CTNNA3: variants seen among roughly 807,000 people sequenced by gnomAD.
CTNNA3 encodes the protein catenin alpha-3.
In CTNNA3, 76 loss-of-function variants were observed where a neutral mutation model predicts 95.7. That is an observed-to-expected ratio of 0.79 (90% confidence interval 0.66 to 0.96). The LOEUF (loss-of-function observed/expected upper bound fraction) is 0.96. Ranked by LOEUF, CTNNA3 falls within the 40% of genes least tolerant of loss-of-function variation. The pLI, the probability that CTNNA3 is intolerant of heterozygous loss-of-function variation, is 0.00. For synonymous variants in CTNNA3, 431 were observed against 374.4 expected (o/e 1.15, Z -1.74); for missense variants, 1,191 against 1,089.8 (o/e 1.09, Z -1.31).
intron 7 of CTNNA3, among the ~76,000 whole-genome samples, chr10:66,946,861 G>T (rs1848299346): frequency 6.6e-6 from 1 of 151,926 alleles, no homozygotes; most frequent in Admixed American, 6.6e-5. Context: ...CTTTTTTCAT[G>T]TATTCCACAG....
chr10:66,002,786 C>T (rs1038868578), intron 15 of CTNNA3, among the ~76,000 whole-genome samples: 1 of 152,184 alleles, frequency 6.6e-6, no homozygotes, highest in East Asian at 1.9e-4. Context: ...ACACACTTCA[C>T]TCCCACCCAT....
In CTNNA3 at chr10:66,227,243, G is replaced by A. The variant is rs370996166; in HGVS notation, c.1884+53227C>T. Among the ~76,000 whole-genome samples the A allele has an allele frequency of 3.2e-4, 49 of 152,194 alleles. No homozygotes were observed. In the South Asian group the frequency reaches 9.3e-3, roughly 29 times the overall value. Reference sequence around the variant, plus strand: ...TGTTAAATAAGAGTGGTGAAAGTGGGCATCATTGTCCTATCCCAGTTTTTC... The same window carrying A: ...TGTTAAATAAGAGTGGTGAAAGTGGACATCATTGTCCTATCCCAGTTTTTC... On this transcript the variant is annotated intron_variant, in intron 13 of 17. Coordinates refer to ENST00000433211, the MANE Select transcript of CTNNA3 (RefSeq NM_013266.4).
intron 7 of CTNNA3, among the ~76,000 whole-genome samples, chr10:66,912,568 A>C (rs767441323): frequency 6.6e-6 from 1 of 152,222 alleles, no homozygotes; most frequent in Non-Finnish European, 1.5e-5. Context: ...TAAGATGCCA[A>C]AGCAAATTTA....
chr10:66,529,447 T>TG (rs1252836381), intron 10 of CTNNA3, among the ~76,000 whole-genome samples: 1 of 82,190 alleles, frequency 1.2e-5, no homozygotes, highest in African/African-American at 3.9e-5. Context: ...GTGTTTTTTT[T>TG]TTGTTTTTTT....
chr10:66,557,117 T>C (rs1842415289), intron 10 of CTNNA3, among the ~76,000 whole-genome samples: 1 of 152,108 alleles, frequency 6.6e-6, no homozygotes, highest in Non-Finnish European at 1.5e-5. Context: ...ACTTGCTCAA[T>C]TCAGAACTAA....
chr10:66,820,285 C>A (rs1212138024), intron 7 of CTNNA3, among the ~76,000 whole-genome samples: 1 of 151,946 alleles, frequency 6.6e-6, no homozygotes, highest in South Asian at 2.1e-4. Flanking sequence ...ATAGGCAAAC[C>A]TATAAAGTAC....
chr10:67,268,316 A>AATTAAATTAAATTAAATTAAATTAT (rs1368512051), intron 5 of CTNNA3, among the ~76,000 whole-genome samples: 7 of 144,526 alleles, frequency 4.8e-5, no homozygotes, highest in African/African-American at 7.6e-5. Context: ...AAATAAATTA[A>AATTAAATTAAATTAAATTAAATTAT]ATTAAATTAA....
chr10:66,543,789 T>C (rs1841941180), intron 10 of CTNNA3, among the ~76,000 whole-genome samples: 2 of 151,272 alleles, frequency 1.3e-5, no homozygotes, highest in African/African-American at 4.8e-5. Context: ...CAATTCACCA[T>C]TGTGAGTTAA....
intron 15 of CTNNA3, among the ~76,000 whole-genome samples, chr10:66,023,117 G>T (rs979696503): frequency 6.6e-6 from 1 of 152,034 alleles, no homozygotes; most frequent in African/African-American, 2.4e-5. Flanking sequence ...CTAGTACTTA[G>T]AACAAAACAT....
At chr10:67,140,885 C>T (rs1489510754) in intron 7 of CTNNA3, among the ~76,000 whole-genome samples, 3 of 152,142 alleles carry the variant, frequency 2.0e-5, no homozygotes. Flanking sequence ...GACAGCATTG[C>T]TACATTACAT....
chr10:67,329,573 A>AT (rs1166340978), intron 5 of CTNNA3, among the ~76,000 whole-genome samples: 1 of 152,196 alleles, frequency 6.6e-6, no homozygotes, highest in African/African-American at 2.4e-5. Flanking sequence ...TTACAGCATG[A>AT]TTTTGAATGT....
chr10:66,822,403 T>G (rs77439417), intron 7 of CTNNA3, among the ~76,000 whole-genome samples: 1 of 152,132 alleles, frequency 6.6e-6, no homozygotes. Context: ...GCACAAGAGT[T>G]GTGACTAACC....
At chr10:67,429,755 C>A (rs1396957008) in intron 5 of CTNNA3, among the ~76,000 whole-genome samples, 1 of 151,946 alleles carries the variant, frequency 6.6e-6, no homozygotes, top group African/African-American at 2.4e-5. Flanking sequence ...AATCCAGCAT[C>A]TCTCCACTCC....
intron 10 of CTNNA3, among the ~76,000 whole-genome samples, chr10:66,540,446 T>G (rs1351254889): frequency 1.3e-5 from 2 of 152,098 alleles, no homozygotes; most frequent in Non-Finnish European, 2.9e-5. Flanking sequence ...GAGAGAGACT[T>G]GCCACATGTA....
intron 6 of CTNNA3, among the ~76,000 whole-genome samples, chr10:67,206,591 A>G (rs972091138): frequency 3.3e-5 from 5 of 151,982 alleles, no homozygotes; most frequent in Non-Finnish European, 7.4e-5. Flanking sequence ...AGGGAGGAAG[A>G]AAAACAAAGA....
intron 1 of CTNNA3, among the ~76,000 whole-genome samples, chr10:67,747,227 C>A (rs1841379018): frequency 6.7e-6 from 1 of 150,286 alleles, no homozygotes; most frequent in South Asian, 2.1e-4. Context: ...TATGAGCAGA[C>A]CAGACGAGTG....
intron 5 of CTNNA3, among the ~76,000 whole-genome samples, chr10:67,243,964 C>G (rs1380516436): frequency 6.6e-6 from 1 of 152,172 alleles, no homozygotes; most frequent in East Asian, 1.9e-4. Flanking sequence ...TGCATAGGAA[C>G]TAGCTGAGAG....
intron 14 of CTNNA3, among the ~76,000 whole-genome samples, chr10:66,088,690 A>C (rs1450075066): frequency 2.0e-5 from 3 of 152,060 alleles, no homozygotes; most frequent in Admixed American, 6.6e-5. Flanking sequence ...AAAGTGTTTG[A>C]GTATCAATTT....
At chr10:67,198,470 AT>A (rs1589852514) in intron 6 of CTNNA3, among the ~76,000 whole-genome samples, 2 of 152,212 alleles carry the variant, frequency 1.3e-5, no homozygotes, top group African/African-American at 2.4e-5. Flanking sequence ...AGCAAGTCTT[AT>A]GTGGCTAGGA....
Sources: allele counts gnomAD v4.1 joint callset (sites outside exome capture counted in the v4.1 genomes callset), GRCh38; gene constraint gnomAD v4.1.1; transcripts MANE v1.5; gene names NCBI Gene and HGNC (gene_info 2026-07-23, HGNC 2026-07-21).